Variants in ENOSF1 observed in about 807,000 individuals in gnomAD.
ENOSF1 encodes mitochondrial enolase superfamily member 1.
A neutral mutation model predicts 68.2 loss-of-function variants in ENOSF1; 73 were observed. The ratio of observed to expected loss-of-function variants is 1.07; its 90% CI spans 0.89 to 1.30. The LOEUF (loss-of-function observed/expected upper bound fraction) is 1.30. Ranked by LOEUF, ENOSF1 falls within the 50% of genes most tolerant of loss-of-function variation. ENOSF1 has a pLI of 0.00. For synonymous variants in ENOSF1, 223 were observed against 210.4 expected, an observed-to-expected ratio of 1.06 and a Z score of -0.52; for missense variants, 589 against 554.5, an observed-to-expected ratio of 1.06 and a Z score of -0.62.
intron 4 of ENOSF1, 89 bp from the exon 5 acceptor site, chr18:693,997 G>A: frequency 6.9e-7 from 1 of 1,442,344 alleles, no homozygotes; most frequent in Middle Eastern, 1.8e-4. Flanking sequence ...CTCTAATGCT[G>A]GCTGTCAGCC....
rs2144521795 is a variant in ENOSF1, at chr18:675,330, C to A, written c.1221G>T (p.Met407Ile). Residue 407 changes from methionine to isoleucine, a missense_variant, in exon 15 of 16, where the codon ATG (methionine) becomes ATT (isoleucine). Physicochemically the swap from Met to Ile is conservative, Grantham distance 10 (BLOSUM62 1). Coordinates refer to ENST00000647584, the MANE Select transcript of ENOSF1 (RefSeq NM_017512.7). ...YPVMIQRASY[M>I]PPKDPGYSTE... Reference sequence around the variant, plus strand: ...TCAGGCCACAGCTTACCTTGGGAGGCATGTAGGAAGCCCGCTGGATCATCA... The same window carrying A: ...TCAGGCCACAGCTTACCTTGGGAGGAATGTAGGAAGCCCGCTGGATCATCA... 6.2e-7 allele frequency: 1 copy of A among 1,611,396 alleles called. No homozygotes were observed. Among genetic ancestry groups the A allele is most frequent in the Non-Finnish European group, 8.5e-7 (1 of 1,179,294 alleles).
At position 675,201 on chromosome 18, in the gene ENOSF1, T is replaced by C. The variant is rs2075355960; in HGVS notation, c.1230+120A>G. 5 of 769,416 alleles carry C rather than the reference T, an allele frequency of 6.5e-6. No homozygotes were observed. The Admixed American group carries it at 1.0e-4, about 16-fold the overall frequency. 47.7% of individuals were successfully genotyped at this position (769,416 alleles called of 1,614,324 possible). The stretch of plus-strand genomic sequence containing the variant: ...TACAGACAAACTGAAGAACCGTTTG[T>C]TAGTGGATATTGCAAACAAACAGGA... On this transcript the variant is annotated intron_variant, in intron 15 of 15. Transcript: ENST00000647584.
At chr18:688,502 T>C in intron 9 of ENOSF1, 72 bp downstream of exon 9, 1 of 1,609,656 alleles carries the variant, frequency 6.2e-7, no homozygotes, top group East Asian at 2.2e-5. Context: ...CTTGGCTCCC[T>C]GCCAGGAGAG....
intron 10 of ENOSF1, among the ~76,000 whole-genome samples, chr18:684,510 CTGAG>C (rs1466920557): frequency 1.3e-5 from 2 of 152,152 alleles, no homozygotes; most frequent in East Asian, 1.9e-4. Flanking sequence ...GCCTGGGTGA[CTGAG>C]TGAGACCCTA....
chr18:697,898 A>T (rs1272340793), intron 2 of ENOSF1, among the ~76,000 whole-genome samples: 1 of 152,116 alleles, frequency 6.6e-6, no homozygotes, highest in Non-Finnish European at 1.5e-5. Context: ...GGCTCAGGTA[A>T]TCCTCCCACC....
chr18:679,223 T>TA (rs1187345309), intron 11 of ENOSF1, among the ~76,000 whole-genome samples: 1 of 150,780 alleles, frequency 6.6e-6, no homozygotes, highest in Non-Finnish European at 1.5e-5. Context: ...TTTTTTTTTT[T>TA]TTTTGAGACC....
rs1038033644 is a variant in ENOSF1, at chr18:690,806, C to T, written c.536-175G>A. 4 of 1,471,792 alleles carry T rather than the reference C, an allele frequency of 2.7e-6. No individual in the cohort carries two copies. In the African/African-American group the frequency reaches 5.7e-5, roughly 21 times the overall value. The allele number at this position is 1,471,792 out of a possible 1,614,324, so 91.2% of individuals were successfully genotyped here. ...GTCAAACCCAGGTGATCAGGATACT[C>T]TCACGGACTGCCCTGCTCCCCCAGG... On this transcript the variant is annotated intron_variant, in intron 7 of 15. Transcript: ENST00000647584.
chr18:697,068 G>T (rs1310794412), intron 3 of ENOSF1, among the ~76,000 whole-genome samples, 172 bp downstream of exon 3: 1 of 152,152 alleles, frequency 6.6e-6, no homozygotes, highest in Non-Finnish European at 1.5e-5. Context: ...AGTGAGCCAA[G>T]ATTGCATCAC....
intron 1 of ENOSF1, among the ~76,000 whole-genome samples, chr18:709,040 C>T (rs529305004): frequency 6.6e-5 from 10 of 152,188 alleles, no homozygotes; most frequent in Admixed American, 4.6e-4. Flanking sequence ...CTGTGATTAG[C>T]GGAATGATCC....
chr18:664,794 G>A, the ENOSF1 span, among the ~76,000 whole-genome samples: 1 of 149,912 alleles, frequency 6.7e-6, no homozygotes, highest in Non-Finnish European at 1.5e-5. Context: ...TTTTGTCTTT[G>A]GATCTGTTTA....
At chr18:689,104 C>T (rs923223640) in intron 8 of ENOSF1, among the ~76,000 whole-genome samples, 7 of 152,106 alleles carry the variant, frequency 4.6e-5, no homozygotes, top group African/African-American at 1.7e-4. Context: ...ATGAAATAGG[C>T]ATTACTTCTC....
Position 694,184 on chromosome 18 carries a change from G to A in ENOSF1, c.396+64C>T, listed in dbSNP as rs890646402. 8 of 1,477,974 alleles carry A rather than the reference G, an allele frequency of 5.4e-6. No individual in the cohort carries two copies. In the African/African-American group the frequency reaches 9.7e-5, roughly 18 times the overall value. The allele number at this position is 1,477,974 out of a possible 1,614,324, so 91.6% of individuals were successfully genotyped here. A position where few individuals can be genotyped will look rare whatever the true frequency, so the allele number is the denominator to read the frequency against. ...TGCAGTGTGTCTGTCTTTCCTCTGT[G>A]CGTAGGGAAAGTCAGTGTCGTACAG... On this transcript the variant is annotated intron_variant, in intron 4 of 15. Transcript: ENST00000647584.
rs377530743 is a variant in ENOSF1 at position 678,152 on chromosome 18, C to T, written c.919-280G>A. 5.9e-5 allele frequency among the ~76,000 whole-genome samples: 9 copies of T among 152,238 alleles called. No homozygotes were observed. In the South Asian group the frequency reaches 1.5e-3, roughly 25 times the overall value. On this transcript the variant is annotated intron_variant, in intron 12 of 15. Coordinates refer to ENST00000647584, the MANE Select transcript of ENOSF1 (RefSeq NM_017512.7). ...ATTTATGAGGGAATGACTGTCACAG[C>T]GACTGATAAGTGGGAGATGAAGCAT...
At chr18:674,548 A>AGAAAAAAATTTTTTTTTT in intron 15 of ENOSF1, 142 bp from the exon 16 acceptor site, 1 of 540,522 alleles carries the variant, frequency 1.9e-6, no homozygotes, top group South Asian at 2.4e-5. Flanking sequence ...ACATGGAGTC[A>AGAAAAAAATTTTTTTTTT]CTGTCCGTTG....
intron 5 of ENOSF1, chr18:693,202 A>G: frequency 7.8e-7 from 1 of 1,289,178 alleles, no homozygotes; most frequent in Non-Finnish European, 1.0e-6. Flanking sequence ...AAGGAGAAAG[A>G]AAACAGTCAA....
downstream of ENOSF1, among the ~76,000 whole-genome samples, chr18:665,730 G>A (rs2074805780): frequency 1.0e-5 from 1 of 96,682 alleles, no homozygotes; most frequent in South Asian, 3.4e-4. Context: ...GTTCTCGTTG[G>A]TTTCAAAGAA....
chr18:689,332 G>A (rs916470121), intron 8 of ENOSF1, among the ~76,000 whole-genome samples: 52 of 152,168 alleles, frequency 3.4e-4, no homozygotes, highest in Admixed American at 3.3e-3. Context: ...CCAGGTTGGA[G>A]GGCAGTGGCG....
chr18:668,404 G>C (rs921318368), downstream of ENOSF1, among the ~76,000 whole-genome samples: 3 of 152,202 alleles, frequency 2.0e-5, no homozygotes, highest in African/African-American at 7.2e-5. Flanking sequence ...TCAGCTTCCA[G>C]TTCCATCTCA....
intron 11 of ENOSF1, among the ~76,000 whole-genome samples, chr18:680,217 C>T (rs1352639846): frequency 1.3e-5 from 2 of 152,222 alleles, no homozygotes; most frequent in Non-Finnish European, 2.9e-5. Flanking sequence ...TGGGCAAGCC[C>T]CGCCTGTGCC....
Sources: allele counts gnomAD v4.1 joint callset (sites outside exome capture counted in the v4.1 genomes callset), GRCh38; gene constraint gnomAD v4.1.1; transcripts MANE v1.5; gene names NCBI Gene and HGNC (gene_info 2026-07-23, HGNC 2026-07-21).